TPST1: variants seen among roughly 807,000 people sequenced by gnomAD.
TPST1 encodes the protein tyrosylprotein sulfotransferase 1.
A neutral mutation model predicts 34.8 loss-of-function variants in TPST1; 20 were observed. That is an observed-to-expected ratio of 0.57 (90% CI 0.40 to 0.84). The LOEUF (loss-of-function observed/expected upper bound fraction) is 0.84. Among genes scored for constraint, TPST1 ranks in the 40% least tolerant of loss-of-function variants. TPST1 has a pLI of 0.00. For missense variants in TPST1, 353 were observed against 455.5 expected (o/e 0.78, Z 2.05); for synonymous variants, 152 against 159.4 (o/e 0.95, Z 0.35).
chr7:66,309,045 C>A (rs1791479333), intron 3 of TPST1, among the ~76,000 whole-genome samples: 1 of 152,084 alleles, frequency 6.6e-6, no homozygotes, highest in Non-Finnish European at 1.5e-5. Context: ...TTACAGGTGC[C>A]CGACACCATG....
intron 1 of TPST1, among the ~76,000 whole-genome samples, chr7:66,206,636 TG>T (rs1190702416): frequency 6.6e-6 from 1 of 152,206 alleles, no homozygotes; most frequent in Non-Finnish European, 1.5e-5. Context: ...GGCTTTGCGG[TG>T]TAATTACTCC....
At chr7:66,265,677 C>T (rs915151972) in intron 2 of TPST1, among the ~76,000 whole-genome samples, 1 of 152,022 alleles carries the variant, frequency 6.6e-6, no homozygotes, top group Non-Finnish European at 1.5e-5. Flanking sequence ...CAGGATAAAA[C>T]CAGAGATTCA....
chr7:66,334,602 C>T (rs1481573861), intron 3 of TPST1, among the ~76,000 whole-genome samples: 1 of 136,430 alleles, frequency 7.3e-6, no homozygotes, highest in Non-Finnish European at 1.5e-5. Context: ...TGCCACTGCA[C>T]TCCAGCCTGG....
intron 1 of TPST1, among the ~76,000 whole-genome samples, chr7:66,214,948 T>A (rs907627264): frequency 5.4e-5 from 6 of 110,732 alleles, no homozygotes; most frequent in Non-Finnish European, 1.1e-4. Context: ...ATAATATATA[T>A]TATATATTAC....
chr7:66,286,822 T>A (rs953550110), intron 3 of TPST1, 113 bp downstream of exon 3: 7,464 of 646,130 alleles, frequency 0.012, 260 homozygotes, highest in East Asian at 0.1. Context: ...AATATATTTT[T>A]TTTTTTTTTC....
chr7:66,326,733 A>G (rs1262046789), intron 3 of TPST1, among the ~76,000 whole-genome samples: 2 of 152,222 alleles, frequency 1.3e-5, no homozygotes, highest in African/African-American at 2.4e-5. Flanking sequence ...GTCCAACTTC[A>G]TTGAAAGTTG....
chr7:66,338,016 A>G (rs1341362009), intron 3 of TPST1, among the ~76,000 whole-genome samples: 1 of 152,222 alleles, frequency 6.6e-6, no homozygotes, highest in Non-Finnish European at 1.5e-5. Flanking sequence ...TTGAATATAA[A>G]TGGATTAAAT....
At chr7:66,277,176 G>A (rs141131095) in intron 2 of TPST1, among the ~76,000 whole-genome samples, 1,653 of 152,250 alleles carry the variant, frequency 0.011, 17 homozygotes, top group Non-Finnish European at 0.018. Context: ...TCCTGGAAAG[G>A]AGCTTTGGCT....
At chr7:66,218,578 G>T (rs1268343466) in intron 1 of TPST1, among the ~76,000 whole-genome samples, 1 of 152,216 alleles carries the variant, frequency 6.6e-6, no homozygotes, top group African/African-American at 2.4e-5. Flanking sequence ...GGGCGCGGTG[G>T]CTCACGCCTG....
intron 3 of TPST1, among the ~76,000 whole-genome samples, chr7:66,305,995 A>C (rs1248082829): frequency 1.3e-5 from 2 of 152,156 alleles, no homozygotes; most frequent in Admixed American, 1.3e-4. Flanking sequence ...CTCTGTCCAC[A>C]CCTGTTAGTG....
chr7:66,232,849 G>T (rs187932906), intron 1 of TPST1, among the ~76,000 whole-genome samples: 224 of 152,084 alleles, frequency 1.5e-3, no homozygotes, highest in Non-Finnish European at 2.5e-3. Flanking sequence ...CTGTATGAGG[G>T]TTCTAATTTA....
At chr7:66,230,893 G>C (rs62465552) in intron 1 of TPST1, among the ~76,000 whole-genome samples, 1 of 152,058 alleles carries the variant, frequency 6.6e-6, no homozygotes, top group Admixed American at 6.6e-5. Flanking sequence ...GGTTCTCCAC[G>C]TCCTCATCAG....
chr7:66,229,116 G>GT (rs1789724072), intron 1 of TPST1, among the ~76,000 whole-genome samples: 1 of 89,462 alleles, frequency 1.1e-5, no homozygotes, highest in Non-Finnish European at 2.3e-5. Context: ...TTTGAGACTG[G>GT]CTTTTTTTTT....
chr7:66,352,000 G>T (rs770855636), intron 3 of TPST1, among the ~76,000 whole-genome samples: 3 of 151,934 alleles, frequency 2.0e-5, no homozygotes, highest in South Asian at 2.1e-4. Flanking sequence ...TGAGATTTAC[G>T]GTTTATATCA....
intron 3 of TPST1, among the ~76,000 whole-genome samples, chr7:66,339,539 G>A (rs1363724294): frequency 6.6e-6 from 1 of 151,996 alleles, no homozygotes; most frequent in Non-Finnish European, 1.5e-5. Flanking sequence ...ACCAAAACCA[G>A]ACAGGATGCA....
At position 66,243,146 on chromosome 7, in the gene TPST1, GGT is replaced by G. The variant is rs150715860; in HGVS notation, c.845+1897_845+1898del. 3.4e-3 allele frequency among the ~76,000 whole-genome samples: 509 copies of G among 148,206 alleles called. 3 individuals are homozygous for G. Among genetic ancestry groups the G allele is most frequent in the African/African-American group, 0.011 (457 of 40,502 alleles). The stretch of plus-strand genomic sequence containing the variant: ...TGAATAGAATTGCTGGATGACAAGG[GGT>G]GTGTGTGTGTGTGTGTGTGTTTGTG... On this transcript the variant is annotated intron_variant, in intron 2 of 5. Coordinates refer to ENST00000304842, the MANE Select transcript of TPST1 (RefSeq NM_003596.4).
chr7:66,352,708 A>G, intron 4 of TPST1, 153 bp downstream of exon 4: 1 of 985,468 alleles, frequency 1.0e-6, no homozygotes, highest in Non-Finnish European at 1.2e-6. Flanking sequence ...GGGAAGAAAG[A>G]TCAGCGTCTG....
At chr7:66,208,485 T>G (rs567959373) in intron 1 of TPST1, among the ~76,000 whole-genome samples, 25 of 152,294 alleles carry the variant, frequency 1.6e-4, no homozygotes, top group African/African-American at 5.3e-4. Flanking sequence ...AGTTTTTTTT[T>G]TGTGACACAG....
intron 2 of TPST1, among the ~76,000 whole-genome samples, chr7:66,250,669 G>GT (rs1790244306): frequency 2.0e-5 from 3 of 152,138 alleles, no homozygotes; most frequent in Admixed American, 1.3e-4. Context: ...TATATACTAT[G>GT]TTTTTTCCTG....
Sources: gnomAD v4.1 joint callset for allele counts (sites outside exome capture counted in the v4.1 genomes callset) on GRCh38, gnomAD v4.1.1 for gene constraint, MANE v1.5 for transcripts, NCBI Gene and HGNC (gene_info 2026-07-23, HGNC 2026-07-21) for gene names.